AOPEP: variants seen among roughly 807,000 people sequenced by gnomAD.
AOPEP encodes the protein aminopeptidase O.
Under a neutral mutation model 98.1 loss-of-function variants are expected in AOPEP, and 77 were observed. That is an observed-to-expected ratio of 0.78 (90% CI 0.65 to 0.95). The LOEUF (loss-of-function observed/expected upper bound fraction) is 0.95, where lower values mean the gene tolerates loss of function less well. AOPEP is among the 40% of genes least tolerant of loss of function. AOPEP has a pLI of 0.00. For missense variants in AOPEP, 1,024 were observed against 1,024.7 expected (o/e 1.00, Z 0.01); for synonymous variants, 346 against 365.3 (o/e 0.95, Z 0.60).
the AOPEP span, chr9:95,101,923 C>G: frequency 6.5e-7 from 1 of 1,546,014 alleles, no homozygotes; most frequent in South Asian, 1.1e-5. Context: ...CAGGGACGGA[C>G]CATAACCACC....
chr9:95,118,701 CAT>C, the AOPEP span, among the ~76,000 whole-genome samples: 1 of 152,320 alleles, frequency 6.6e-6, no homozygotes, highest in African/African-American at 2.4e-5. Flanking sequence ...TTGGGCTCAA[CAT>C]ATTTTCTTAA....
the AOPEP span, chr9:95,117,278 A>C: frequency 6.3e-7 from 1 of 1,585,388 alleles, no homozygotes. Context: ...CTTCCCAGGA[A>C]ATCATTCTGA....
At chr9:95,050,979 C>T (rs1587804266) in intron 13 of AOPEP, among the ~76,000 whole-genome samples, 1 of 152,124 alleles carries the variant, frequency 6.6e-6, no homozygotes, top group African/African-American at 2.4e-5. Context: ...AATCACTTGC[C>T]TCACCTGAGG....
At chr9:95,040,470 C>A (rs1324319652) in intron 13 of AOPEP, among the ~76,000 whole-genome samples, 1 of 152,208 alleles carries the variant, frequency 6.6e-6, no homozygotes, top group Non-Finnish European at 1.5e-5. Context: ...CACGTGGTAA[C>A]CCCCTTTTTC....
intron 11 of AOPEP, among the ~76,000 whole-genome samples, chr9:94,985,003 C>G (rs2060426788): frequency 6.6e-6 from 1 of 152,228 alleles, no homozygotes; most frequent in South Asian, 2.1e-4. Flanking sequence ...TGGGTTTCAA[C>G]TCCTGGTAGA....
At chr9:94,857,086 T>C (rs1318196084) in intron 5 of AOPEP, among the ~76,000 whole-genome samples, 3 of 152,234 alleles carry the variant, frequency 2.0e-5, no homozygotes, top group Non-Finnish European at 2.9e-5. Context: ...TTTTTCTAAC[T>C]GCTTTCCAAA....
chr9:94,792,750 T>C lies in AOPEP; in HGVS notation c.965-15T>C. ...TATATTGGCCTCATTATGGTTTTTC[T>C]CTTCCTGTTTACAGAGTGCTCAAGC... On this transcript the variant is annotated splice_polypyrimidine_tract_variant and intron_variant, in intron 3 of 16. Transcript: ENST00000375315. 1 of 1,578,232 alleles carries C rather than the reference T, an allele frequency of 6.3e-7. No individual in the cohort carries two copies. Among genetic ancestry groups the C allele is most frequent in the Non-Finnish European group, 8.6e-7 (1 of 1,158,388 alleles).
intron 3 of AOPEP, among the ~76,000 whole-genome samples, chr9:94,788,206 G>A (rs2133340660): frequency 6.6e-6 from 1 of 152,012 alleles, no homozygotes; most frequent in Admixed American, 6.6e-5. Flanking sequence ...AAGTACGTGG[G>A]ATCACAGGCA....
intron 13 of AOPEP, among the ~76,000 whole-genome samples, chr9:95,039,893 T>C (rs1290809987): frequency 6.6e-6 from 1 of 152,224 alleles, no homozygotes; most frequent in Non-Finnish European, 1.5e-5. Context: ...AAAACAGGTT[T>C]CAGGATGTTA....
At chr9:94,921,488 A>C (rs2053614964) in intron 5 of AOPEP, 1 of 152,264 alleles carries the variant, frequency 6.6e-6, no homozygotes, top group Non-Finnish European at 1.5e-5. Context: ...GAAGAAAAGC[A>C]ATCTAAAAAA....
At chr9:94,890,684 G>A (rs747653509) in intron 5 of AOPEP, among the ~76,000 whole-genome samples, 2 of 151,874 alleles carry the variant, frequency 1.3e-5, no homozygotes, top group Admixed American at 6.6e-5. Context: ...TTTTCATTCA[G>A]TTCTGTGTAT....
chr9:95,084,538 G>T (rs1285489324), intron 16 of AOPEP, among the ~76,000 whole-genome samples: 1 of 152,142 alleles, frequency 6.6e-6, no homozygotes, highest in Non-Finnish European at 1.5e-5. Flanking sequence ...CTTTCGTTTT[G>T]TTATTTCGTG....
At chr9:95,141,172 C>T in the AOPEP span, among the ~76,000 whole-genome samples, 1 of 151,660 alleles carries the variant, frequency 6.6e-6, no homozygotes, top group Non-Finnish European at 1.5e-5. Context: ...ATTAGCAAGG[C>T]ATGGTGGCAC....
the AOPEP span, among the ~76,000 whole-genome samples, chr9:95,132,082 G>T: frequency 6.6e-6 from 1 of 152,164 alleles, no homozygotes; most frequent in African/African-American, 2.4e-5. Context: ...CCTCCTGGGC[G>T]CCTCCTCTGC....
chr9:94,885,031 GAC>G, intron 5 of AOPEP, among the ~76,000 whole-genome samples: 1 of 123,854 alleles, frequency 8.1e-6, no homozygotes, highest in Non-Finnish European at 1.7e-5. Flanking sequence ...AAAAAAATCA[GAC>G]ACTGGTGCAA....
chr9:95,079,402 A>G (rs1307491740), intron 14 of AOPEP, among the ~76,000 whole-genome samples: 1 of 152,246 alleles, frequency 6.6e-6, no homozygotes, highest in Admixed American at 6.5e-5. Context: ...ACAGTCAGTA[A>G]AAACAAGGGG....
chr9:95,107,101 C>T, the AOPEP span: 5 of 1,614,194 alleles, frequency 3.1e-6, no homozygotes, highest in South Asian at 5.5e-5. Context: ...GTGTGGCCTC[C>T]AGGAGCCCAG....
At chr9:94,932,412 T>C (rs1279215227) in intron 7 of AOPEP, 1 of 313,066 alleles carries the variant, frequency 3.2e-6, no homozygotes, top group Non-Finnish European at 4.6e-6. Flanking sequence ...AGCTTTCCAT[T>C]TGTGCCTTTC....
chr9:95,100,669 T>C, the AOPEP span: 1 of 229,326 alleles, frequency 4.4e-6, no homozygotes, highest in Non-Finnish European at 8.7e-6. Flanking sequence ...CTCGCTCTGT[T>C]GCCCAGGCTG....
Sources: gnomAD v4.1 joint callset for allele counts (sites outside exome capture counted in the v4.1 genomes callset) on GRCh38, gnomAD v4.1.1 for gene constraint, MANE v1.5 for transcripts, NCBI Gene and HGNC (gene_info 2026-07-23, HGNC 2026-07-21) for gene names.